The following SLC22A3 variants were observed in gnomAD, a reference collection of about 807,000 sequenced individuals.
SLC22A3 encodes the protein solute carrier family 22 member 3, also known as EMT organic cation transporter 3.
In SLC22A3, 51 loss-of-function variants were observed where a neutral mutation model predicts 59.1. The observed-to-expected ratio is 0.86, with a 90% CI of 0.69 to 1.09. The LOEUF is 1.09. Among genes scored for constraint, SLC22A3 ranks in the 50% least tolerant of loss-of-function variants. The pLI, the probability that SLC22A3 is intolerant of heterozygous loss-of-function variation, is 0.00. For missense variants in SLC22A3, 711 were observed against 726.3 expected (o/e 0.98, Z 0.24); for synonymous variants, 325 against 292.0 (o/e 1.11, Z -1.15).
chr6:160,368,688 C>G (rs142027498), intron 1 of SLC22A3, among the ~76,000 whole-genome samples: 110 of 152,272 alleles, frequency 7.2e-4, no homozygotes, highest in Admixed American at 3.7e-3. Context: ...CTCTGATGAC[C>G]TTGAGGTTGC....
chr6:160,421,828 T>C (rs1230497586), intron 5 of SLC22A3, among the ~76,000 whole-genome samples: 2 of 152,232 alleles, frequency 1.3e-5, no homozygotes, highest in Non-Finnish European at 2.9e-5. Context: ...TCTGGAATCC[T>C]TCCACTCTAT....
At chr6:160,422,566 A>C (rs1335088377) in intron 5 of SLC22A3, among the ~76,000 whole-genome samples, 1 of 152,196 alleles carries the variant, frequency 6.6e-6, no homozygotes, top group Non-Finnish European at 1.5e-5. Context: ...GGTCTGGAAA[A>C]AATAAGATGG....
At chr6:160,366,760 C>A (rs963270886) in intron 1 of SLC22A3, among the ~76,000 whole-genome samples, 2 of 152,274 alleles carry the variant, frequency 1.3e-5, no homozygotes, top group African/African-American at 2.4e-5. Context: ...CCTCTGCCAA[C>A]CCCCGGGACC....
At chr6:160,448,099 T>G (rs968876040) in intron 10 of SLC22A3, among the ~76,000 whole-genome samples, 2 of 152,156 alleles carry the variant, frequency 1.3e-5, no homozygotes, top group Non-Finnish European at 2.9e-5. Context: ...AGGCAGGAAC[T>G]GCTGATGTGG....
intron 1 of SLC22A3, among the ~76,000 whole-genome samples, chr6:160,362,491 C>T (rs1193418477): frequency 6.6e-6 from 1 of 152,226 alleles, no homozygotes; most frequent in Non-Finnish European, 1.5e-5. Flanking sequence ...TCACCCTTTC[C>T]CGTTGTTGTC....
chr6:160,395,590 GATAA>G (rs1370910654), intron 1 of SLC22A3, among the ~76,000 whole-genome samples: 2 of 152,174 alleles, frequency 1.3e-5, no homozygotes, highest in African/African-American at 2.4e-5. Context: ...AATTATTTCA[GATAA>G]ATAATCATCA....
intron 2 of SLC22A3, among the ~76,000 whole-genome samples, chr6:160,406,777 G>A (rs781341453): frequency 2.0e-5 from 3 of 152,104 alleles, no homozygotes; most frequent in Admixed American, 6.6e-5. Flanking sequence ...CTGTACCACC[G>A]GGGAGACTCT....
At chr6:160,397,813 A>G (rs747862613) in intron 1 of SLC22A3, among the ~76,000 whole-genome samples, 166 bp from the exon 2 acceptor site, 4 of 152,190 alleles carry the variant, frequency 2.6e-5, no homozygotes, top group Non-Finnish European at 5.9e-5. Context: ...TAAACAAAGG[A>G]TATTTATGTG....
At chr6:160,401,878 G>T (rs184486792) in intron 2 of SLC22A3, among the ~76,000 whole-genome samples, 1 of 151,784 alleles carries the variant, frequency 6.6e-6, no homozygotes, top group Non-Finnish European at 1.5e-5. Flanking sequence ...AAGCATGACT[G>T]ATATGCTAAA....
At chr6:160,368,666 G>A (rs1785290865) in intron 1 of SLC22A3, among the ~76,000 whole-genome samples, 1 of 152,126 alleles carries the variant, frequency 6.6e-6, no homozygotes, top group African/African-American at 2.4e-5. Context: ...CAGAATCTGT[G>A]CTTCCCAGGG....
chr6:160,442,564 G>A (rs77581230), intron 7 of SLC22A3, among the ~76,000 whole-genome samples, 197 bp from the exon 8 acceptor site: 65 of 152,302 alleles, frequency 4.3e-4, no homozygotes, highest in African/African-American at 1.3e-3. Flanking sequence ...GGCATCTAGC[G>A]CTCTAAAATA....
intron 5 of SLC22A3, among the ~76,000 whole-genome samples, chr6:160,411,601 G>T (rs1208728395): frequency 6.6e-6 from 1 of 152,106 alleles, no homozygotes; most frequent in Non-Finnish European, 1.5e-5. Context: ...AACTATGTGG[G>T]CATGGTGGCA....
At chr6:160,371,156 A>G (rs183257428) in intron 1 of SLC22A3, among the ~76,000 whole-genome samples, 1 of 152,206 alleles carries the variant, frequency 6.6e-6, no homozygotes, top group Non-Finnish European at 1.5e-5. Flanking sequence ...CATGCCTCCC[A>G]CCCAGGAGCA....
At chr6:160,426,425 C>A in intron 5 of SLC22A3, 1 of 898,656 alleles carries the variant, frequency 1.1e-6, no homozygotes, top group Non-Finnish European at 1.3e-6. Flanking sequence ...CGTCTCATGT[C>A]CTACTTGATT....
At chr6:160,402,643 T>C (rs1241555954) in intron 2 of SLC22A3, among the ~76,000 whole-genome samples, 3 of 151,840 alleles carry the variant, frequency 2.0e-5, no homozygotes, top group Non-Finnish European at 4.4e-5. Context: ...AATCACATTC[T>C]GGGCCATAAA....
At chr6:160,394,482 C>A (rs145769096) in intron 1 of SLC22A3, among the ~76,000 whole-genome samples, 172 of 152,320 alleles carry the variant, frequency 1.1e-3, no homozygotes, top group Non-Finnish European at 1.1e-3. Flanking sequence ...AGGTCTGCCC[C>A]CTGACTCTAT....
chr6:160,362,335 A>T (rs1348070215), intron 1 of SLC22A3, among the ~76,000 whole-genome samples: 2 of 152,146 alleles, frequency 1.3e-5, no homozygotes, highest in Non-Finnish European at 2.9e-5. Flanking sequence ...AATTTCAGGG[A>T]TTGCTTCTGT....
chr6:160,430,978 G>T (rs188872888), intron 5 of SLC22A3, among the ~76,000 whole-genome samples: 1 of 152,238 alleles, frequency 6.6e-6, no homozygotes, highest in East Asian at 1.9e-4. Flanking sequence ...AAACTTTTGG[G>T]GATCATGGAA....
chr6:160,382,412 C>T (rs1278476938), intron 1 of SLC22A3, among the ~76,000 whole-genome samples: 1 of 152,174 alleles, frequency 6.6e-6, no homozygotes, highest in Non-Finnish European at 1.5e-5. Context: ...GTAGGCCAGC[C>T]TGAAACAAAG....
Sources: allele counts gnomAD v4.1 joint callset (sites outside exome capture counted in the v4.1 genomes callset), GRCh38; gene constraint gnomAD v4.1.1; transcripts MANE v1.5; gene names NCBI Gene and HGNC (gene_info 2026-07-23, HGNC 2026-07-21).